Variants in EPB41L1 observed in about 807,000 individuals in gnomAD.
EPB41L1 encodes the protein band 4.1-like protein 1.
A neutral mutation model predicts 97.8 loss-of-function variants in EPB41L1; 29 were observed. That is an observed-to-expected ratio of 0.30 (90% CI 0.22 to 0.40). The LOEUF (loss-of-function observed/expected upper bound fraction) is 0.40. EPB41L1 is among the 10% of genes least tolerant of loss of function. EPB41L1 has a pLI of 1.00. For missense variants in EPB41L1, 812 were observed against 1,162.3 expected (o/e 0.70, Z 4.38); for synonymous variants, 383 against 459.2 (o/e 0.83, Z 2.12).
intron 14 of EPB41L1, among the ~76,000 whole-genome samples, chr20:36,204,758 C>T (rs759530769): frequency 2.0e-5 from 3 of 152,092 alleles, no homozygotes; most frequent in Non-Finnish European, 2.9e-5. Flanking sequence ...TCTCCTGCCT[C>T]AGCCTCCCAA....
At chr20:36,148,297 G>A (rs531212098) in intron 2 of EPB41L1, among the ~76,000 whole-genome samples, 14 of 152,308 alleles carry the variant, frequency 9.2e-5, no homozygotes, top group African/African-American at 2.9e-4. Flanking sequence ...GTGGCAGGAC[G>A]GAGACAGAGA....
chr20:36,219,635 T>C (rs556732263), intron 18 of EPB41L1, 126 bp from the exon 19 acceptor site: 5 of 777,740 alleles, frequency 6.4e-6, no homozygotes, highest in African/African-American at 1.7e-5. Flanking sequence ...GAATTCTTAA[T>C]GGCTGAAAGC....
At chr20:36,117,068 G>A (rs544171594) in intron 2 of EPB41L1, among the ~76,000 whole-genome samples, 2 of 152,120 alleles carry the variant, frequency 1.3e-5, no homozygotes, top group African/African-American at 2.4e-5. Context: ...GCTGAAGGAG[G>A]GACATAAGTG....
At chr20:36,121,002 G>A (rs1011259209) in intron 2 of EPB41L1, among the ~76,000 whole-genome samples, 4 of 151,360 alleles carry the variant, frequency 2.6e-5, no homozygotes, top group African/African-American at 7.3e-5. Context: ...GGGTGTTCAC[G>A]CATGGGGGTG....
chr20:36,155,202 C>T (rs1248864386), intron 1 of EPB41L1: 5 of 456,208 alleles, frequency 1.1e-5, no homozygotes, highest in African/African-American at 1.0e-4. Flanking sequence ...GAGAGCACTC[C>T]TGCTGCCGCC....
intron 1 of EPB41L1, among the ~76,000 whole-genome samples, chr20:36,161,558 C>T (rs891428068): frequency 5.3e-5 from 8 of 151,950 alleles, no homozygotes; most frequent in African/African-American, 1.9e-4. Context: ...TCACTGCAAC[C>T]TCCGCCTCCC....
chr20:36,194,844 T>G lies in EPB41L1; in HGVS notation c.1449+484T>G, dbSNP rs148465208. On this transcript the variant is annotated intron_variant, in intron 12 of 21. Coordinates refer to ENST00000338074, the MANE Select transcript of EPB41L1 (RefSeq NM_012156.2). ...CACGCTCATGCAGGATTGCATGACC[T>G]CAGCCTCACACTCACTTAATAACAG... Among the ~76,000 whole-genome samples the G allele has an allele frequency of 3.0e-3, 463 of 152,236 alleles. 2 individuals are homozygous for G. Among genetic ancestry groups the G allele is most frequent in the African/African-American group, 5.5e-3 (229 of 41,528 alleles).
rs141655115 is a variant in EPB41L1, at chr20:36,232,267, C to T, written c.*2927C>T. The T allele has an allele frequency of 1.0e-4, 24 of 238,858 alleles. No individual in the cohort carries two copies. In the East Asian group the frequency reaches 1.9e-3, roughly 19 times the overall value. 14.8% of individuals were successfully genotyped at this position (238,858 alleles called of 1,614,324 possible). On this transcript the variant is annotated 3_prime_UTR_variant, in exon 22 of 22. Coordinates refer to ENST00000338074, the MANE Select transcript of EPB41L1 (RefSeq NM_012156.2). ...TTCTCATCCTCTCTGTGCCACCTCT[C>T]CACCCAGGAGGCCATGTAGCATAGT...
At chr20:36,197,389 C>G (rs561408982) in intron 13 of EPB41L1, among the ~76,000 whole-genome samples, 40 of 152,342 alleles carry the variant, frequency 2.6e-4, no homozygotes, top group African/African-American at 8.9e-4. Context: ...CAGGAGGGAT[C>G]TAGGAGGCAC....
At chr20:36,191,268 G>A (rs1194192940) in intron 11 of EPB41L1, among the ~76,000 whole-genome samples, 1 of 152,068 alleles carries the variant, frequency 6.6e-6, no homozygotes, top group African/African-American at 2.4e-5. Flanking sequence ...AGCTGATGAT[G>A]CCTTATCTGC....
chr20:36,161,761 G>A (rs80306027), intron 1 of EPB41L1, among the ~76,000 whole-genome samples: 4,791 of 149,258 alleles, frequency 0.032, 130 homozygotes, highest in South Asian at 0.16. Flanking sequence ...AGGCCCAGTC[G>A]TTATTCTTGT....
At chr20:36,170,172 T>G (rs748245314) in intron 1 of EPB41L1, among the ~76,000 whole-genome samples, 17 of 152,228 alleles carry the variant, frequency 1.1e-4, no homozygotes, top group Non-Finnish European at 1.6e-4. Context: ...ATTTTTGATT[T>G]ATAAATTTTT....
intron 2 of EPB41L1, among the ~76,000 whole-genome samples, chr20:36,125,753 G>T (rs1318037000): frequency 6.6e-6 from 1 of 152,178 alleles, no homozygotes; most frequent in Non-Finnish European, 1.5e-5. Flanking sequence ...CAGGGTATCA[G>T]GTTGGGAATG....
At position 36,206,492 on chromosome 20, in the gene EPB41L1, A is replaced by C; in HGVS notation, c.1669-2996A>C. 1 of 1,289,858 alleles carries C rather than the reference A, an allele frequency of 7.8e-7. No homozygotes were observed. The allele number at this position is 1,289,858 out of a possible 1,614,324, so 79.9% of individuals were successfully genotyped here. On this transcript the variant is annotated intron_variant, in intron 14 of 21. Transcript: ENST00000338074. This position sits in a 1 kb window ranked among gnomAD's most constrained non-coding sequence, Gnocchi z 5.5. ...AGCTTCTATTTAAATTATGAAGAAA[A>C]AGACTCAGAAGACCAAGTCCTCCCT... is the stretch of plus-strand genomic sequence containing the variant.
At chr20:36,194,386 T>C in intron 12 of EPB41L1, 26 bp downstream of exon 12, 4 of 1,583,012 alleles carry the variant, frequency 2.5e-6, no homozygotes, top group Non-Finnish European at 3.4e-6. Context: ...TCTCATACTC[T>C]CTGCCCTGGG....
intron 1 of EPB41L1, among the ~76,000 whole-genome samples, chr20:36,169,534 C>T (rs962178165): frequency 1.7e-4 from 26 of 152,190 alleles, no homozygotes; most frequent in Non-Finnish European, 5.9e-5. Context: ...TCCTCCCAAG[C>T]TCCAACCAGT....
chr20:36,139,987 C>T (rs146830996), intron 2 of EPB41L1, among the ~76,000 whole-genome samples: 321 of 152,174 alleles, frequency 2.1e-3, no homozygotes, highest in African/African-American at 7.5e-3. Flanking sequence ...ACCTTGGCCT[C>T]CCAAAGTGCT....
rs2063022426 is a variant in EPB41L1 at position 36,209,709 on chromosome 20, C to T, written c.1890C>T (p.Gly630=). The T allele has an allele frequency of 6.2e-7, 1 of 1,614,062 alleles. No homozygotes were observed. Among genetic ancestry groups the T allele is most frequent in the South Asian group, 1.1e-5 (1 of 91,096 alleles). The change falls in exon 15 of 22, where the codon GGC becomes GGT. Residue 630 remains glycine, a synonymous_variant. Coordinates refer to ENST00000338074, the MANE Select transcript of EPB41L1 (RefSeq NM_012156.2). The surrounding 1 kb of genome is among the most constrained non-coding windows in gnomAD (Gnocchi z 4.2). ...TCACGGTCATTGGTGACTACCATGG[C>T]AGCGCCTTCGAAGACTTCTCCCGCA... The part of the protein sequence containing the change: ...VDFTVIGDYH[G]SAFEDFSRSL...
At chr20:36,198,287 C>T (rs1600893031) in intron 14 of EPB41L1, among the ~76,000 whole-genome samples, 1 of 152,184 alleles carries the variant, frequency 6.6e-6, no homozygotes, top group Non-Finnish European at 1.5e-5. Context: ...GGCGTACTCC[C>T]CTTCCATCAG....
Sources: gnomAD v4.1 joint callset for allele counts (sites outside exome capture counted in the v4.1 genomes callset) on GRCh38, gnomAD v4.1.1 for gene constraint, Gnocchi (gnomAD v3.1) non-coding constraint, MANE v1.5 for transcripts, NCBI Gene and HGNC (gene_info 2026-07-23, HGNC 2026-07-21) for gene names.